Variants in NSD3 observed in about 807,000 individuals in gnomAD.
The protein encoded by NSD3 is histone-lysine N-methyltransferase NSD3.
A neutral mutation model predicts 160.8 loss-of-function variants in NSD3; 24 were observed. The ratio of observed to expected loss-of-function variants is 0.15; its 90% CI spans 0.11 to 0.21. NSD3 has a LOEUF of 0.21. Ranked by LOEUF, NSD3 falls within the 10% of genes least tolerant of loss-of-function variation. NSD3 has a pLI of 1.00. For missense variants in NSD3, 1,157 were observed against 1,735.9 expected, an observed-to-expected ratio of 0.67 and a Z score of 5.93; for synonymous variants, 520 against 600.0, an observed-to-expected ratio of 0.87 and a Z score of 1.95.
intron 1 of NSD3, among the ~76,000 whole-genome samples, chr8:38,363,513 G>C (rs574839910): frequency 3.9e-5 from 6 of 151,920 alleles, no homozygotes; most frequent in Non-Finnish European, 1.5e-5. Flanking sequence ...ATGGTGGTGC[G>C]TGCCTGTAGT....
Position 38,319,894 on chromosome 8 carries a change from C to A in NSD3, c.1810-954G>T, listed in dbSNP as rs891044843. On this transcript the variant is annotated intron_variant, in intron 8 of 23. Coordinates refer to ENST00000317025, the MANE Select transcript of NSD3 (RefSeq NM_023034.2). This position sits in a 1 kb window ranked among gnomAD's most constrained non-coding sequence, Gnocchi z 4.1. ...GGTATTGTTCTACTACTAACTATAACACAGTGGCATTAACAATTTGTCCCA... is the reference window on the plus strand; with the variant it reads ...GGTATTGTTCTACTACTAACTATAAAACAGTGGCATTAACAATTTGTCCCA... 6.6e-6 allele frequency: 1 copy of A among 152,064 alleles called. No individual in the cohort carries two copies. The highest frequency in any genetic ancestry group is 2.1e-4 in the South Asian group (1 of 4,830). 9.4% of individuals were successfully genotyped at this position (152,064 alleles called of 1,614,324 possible).
chr8:38,320,945 G>T, intron 8 of NSD3, 127 bp downstream of exon 8: 1 of 799,118 alleles, frequency 1.3e-6, no homozygotes, highest in Non-Finnish European at 2.0e-6. Context: ...CACCAGGACA[G>T]AAGCGTTAAG....
intron 7 of NSD3, among the ~76,000 whole-genome samples, chr8:38,322,242 T>A (rs1314087075): frequency 6.6e-6 from 1 of 152,244 alleles, no homozygotes; most frequent in Non-Finnish European, 1.5e-5. Context: ...ATCCCACTAC[T>A]TTGTTTTGTT....
At chr8:38,373,191 CTTATTA>C (rs774214456) in intron 1 of NSD3, among the ~76,000 whole-genome samples, 18 of 151,992 alleles carry the variant, frequency 1.2e-4, no homozygotes, top group Non-Finnish European at 2.4e-4. Context: ...TCTTAAAGGA[CTTATTA>C]CCTGGGTGAT....
rs561269629 is a variant in NSD3 at position 38,277,526 on chromosome 8, C to T, written c.3867+780G>A. Among the ~76,000 whole-genome samples, 5 of 152,322 alleles carry T rather than the reference C, an allele frequency of 3.3e-5. No homozygotes were observed. The East Asian group carries it at 9.7e-4, about 29-fold the overall frequency. Reference sequence around the variant, plus strand: ...ACTCCTGACCTTGTGATCCACCGGCCTCAGCCTCCCAAAGTGCTGGGATTA... The same window carrying T: ...ACTCCTGACCTTGTGATCCACCGGCTTCAGCCTCCCAAAGTGCTGGGATTA... On this transcript the variant is annotated intron_variant, in intron 22 of 23. Coordinates refer to ENST00000317025, the MANE Select transcript of NSD3 (RefSeq NM_023034.2).
At chr8:38,379,294 CT>C (rs570499053) in intron 1 of NSD3, among the ~76,000 whole-genome samples, 2,584 of 137,262 alleles carry the variant, frequency 0.019, 29 homozygotes, top group South Asian at 0.03. Flanking sequence ...TAAACTTTTT[CT>C]TTTTTTTTTT....
intron 12 of NSD3, among the ~76,000 whole-genome samples, chr8:38,310,991 T>C (rs1218321513): frequency 6.6e-6 from 1 of 152,026 alleles, no homozygotes; most frequent in Non-Finnish European, 1.5e-5. Flanking sequence ...TGTTGTTTTC[T>C]TTTTTCTTTT....
In NSD3 at chr8:38,272,423, G is replaced by C. The variant is rs1332943718; in HGVS notation, c.*3218C>G. ...ATTAAAGAGGTGAATCACTGCCTCT[G>C]GCTGCTTCAGCCTTCCAGGAATGAA... On this transcript the variant is annotated 3_prime_UTR_variant, in exon 24 of 24. Transcript: ENST00000317025. 2 of 152,180 alleles carry C rather than the reference G, an allele frequency of 1.3e-5. No individual in the cohort carries two copies. The highest frequency in any genetic ancestry group is 4.8e-5 in the African/African-American group (2 of 41,438). 9.4% of individuals were successfully genotyped at this position (152,180 alleles called of 1,614,324 possible). A position where few individuals can be genotyped will look rare whatever the true frequency, so the allele number is the denominator to read the frequency against.
chr8:38,304,872 A>G (rs1198925987), intron 13 of NSD3, 115 bp from the exon 14 acceptor site: 1 of 1,146,956 alleles, frequency 8.7e-7, no homozygotes, highest in Non-Finnish European at 1.2e-6. Context: ...AGTAGATGGA[A>G]AGCATTTTTT....
At chr8:38,290,276 C>G (rs1808971864) in intron 17 of NSD3, among the ~76,000 whole-genome samples, 199 bp downstream of exon 17, 1 of 151,944 alleles carries the variant, frequency 6.6e-6, no homozygotes, top group Non-Finnish European at 1.5e-5. Context: ...GAAGAAATTC[C>G]TTTCAAATAC....
chr8:38,371,679 C>G (rs190366861), intron 1 of NSD3, among the ~76,000 whole-genome samples: 1 of 152,240 alleles, frequency 6.6e-6, no homozygotes, highest in East Asian at 1.9e-4. Flanking sequence ...ATATGAAATA[C>G]TATATTCTGA....
chr8:38,366,559 G>A (rs934233775), intron 1 of NSD3, among the ~76,000 whole-genome samples: 6 of 151,612 alleles, frequency 4.0e-5, no homozygotes, highest in African/African-American at 7.3e-5. Context: ...GACTACAGGC[G>A]CCCGCCACCA....
intron 21 of NSD3, 45 bp downstream of exon 21, chr8:38,279,495 T>C: frequency 1.9e-6 from 3 of 1,606,170 alleles, no homozygotes; most frequent in Non-Finnish European, 1.7e-6. Flanking sequence ...TAGGATATTC[T>C]TTCTTCCTAG....
At chr8:38,304,831 C>CT in intron 13 of NSD3, 74 bp from the exon 14 acceptor site, 1 of 1,467,422 alleles carries the variant, frequency 6.8e-7, no homozygotes, top group Non-Finnish European at 9.1e-7. Context: ...TGGAGTTGGG[C>CT]TTTTTTGGGT....
At chr8:38,281,644 T>A (rs764483147) in intron 19 of NSD3, 61 bp from the exon 20 acceptor site, 8 of 1,116,214 alleles carry the variant, frequency 7.2e-6, no homozygotes, top group Non-Finnish European at 9.1e-6. Context: ...CATTGCTTAA[T>A]GACACATGTA....
intron 12 of NSD3, among the ~76,000 whole-genome samples, chr8:38,312,461 T>TA (rs1259779079): frequency 6.6e-6 from 1 of 152,158 alleles, no homozygotes; most frequent in Non-Finnish European, 1.5e-5. Context: ...ATCAATATCT[T>TA]AAATCAGGGA....
intron 1 of NSD3, among the ~76,000 whole-genome samples, chr8:38,359,021 A>C (rs1267257095): frequency 1.3e-5 from 2 of 152,312 alleles, no homozygotes; most frequent in East Asian, 3.9e-4. Flanking sequence ...AGAAGATGCT[A>C]AAATCCTCTA....
chr8:38,325,024 A>T (rs1809873478), intron 7 of NSD3, among the ~76,000 whole-genome samples: 4 of 152,224 alleles, frequency 2.6e-5, no homozygotes, highest in Admixed American at 2.6e-4. Flanking sequence ...ATCATGAACC[A>T]GTAAATGTAA....
At chr8:38,293,698 G>A (rs375774856) in intron 16 of NSD3, among the ~76,000 whole-genome samples, 21 of 151,404 alleles carry the variant, frequency 1.4e-4, no homozygotes, top group African/African-American at 3.6e-4. Context: ...CGAGGCGGGC[G>A]GATCAGCTGA....
Sources: gnomAD v4.1 joint callset for allele counts (sites outside exome capture counted in the v4.1 genomes callset) on GRCh38, gnomAD v4.1.1 for gene constraint, Gnocchi (gnomAD v3.1) non-coding constraint, MANE v1.5 for transcripts, NCBI Gene and HGNC (gene_info 2026-07-23, HGNC 2026-07-21) for gene names.